Variants in TRIO observed in about 807,000 individuals in gnomAD.
The protein encoded by TRIO is triple functional domain protein.
TRIO carries 58 observed loss-of-function variants against 351.9 expected under a neutral mutation model. The ratio of observed to expected loss-of-function variants is 0.16; its 90% CI spans 0.13 to 0.21. The LOEUF is 0.21. TRIO is among the 10% of genes least tolerant of loss of function. The pLI is 1.00. For synonymous variants in TRIO, 1,758 were observed against 1,595.7 expected, an observed-to-expected ratio of 1.10 and a Z score of -2.42; for missense variants, 3,201 against 4,027.8, an observed-to-expected ratio of 0.79 and a Z score of 5.56.
chr5:14,466,790 A>C (rs1754292563), intron 37 of TRIO, among the ~76,000 whole-genome samples: 1 of 152,236 alleles, frequency 6.6e-6, no homozygotes, highest in African/African-American at 2.4e-5. Flanking sequence ...AAATGGATTC[A>C]TTCAATTTTT....
chr5:14,357,200 C>A (rs917423854), intron 11 of TRIO, among the ~76,000 whole-genome samples: 3 of 152,210 alleles, frequency 2.0e-5, no homozygotes, highest in Admixed American at 2.0e-4. Context: ...CTTGAGGCAG[C>A]AGGCGTTGCA....
At chr5:14,293,672 C>T (rs1401085491) in intron 6 of TRIO, among the ~76,000 whole-genome samples, 1 of 152,228 alleles carries the variant, frequency 6.6e-6, no homozygotes, top group Non-Finnish European at 1.5e-5. Flanking sequence ...CATCTGCTAC[C>T]CTTGGCTGTC....
At chr5:14,357,558 G>T (rs527324390) in intron 11 of TRIO, among the ~76,000 whole-genome samples, 1 of 152,216 alleles carries the variant, frequency 6.6e-6, no homozygotes, top group African/African-American at 2.4e-5. Context: ...GGAGGTGTCT[G>T]CATCTTTTCA....
intron 49 of TRIO, among the ~76,000 whole-genome samples, chr5:14,494,753 G>A (rs945455907): frequency 1.8e-4 from 28 of 152,140 alleles, no homozygotes; most frequent in African/African-American, 6.0e-4. Flanking sequence ...ACAAAAATTC[G>A]CTGGGCATGG....
intron 8 of TRIO, among the ~76,000 whole-genome samples, chr5:14,307,534 T>C (rs1738484111): frequency 6.6e-6 from 1 of 152,238 alleles, no homozygotes; most frequent in Non-Finnish European, 1.5e-5. Context: ...TTTTTGGCAG[T>C]GCATGTCCTT....
intron 53 of TRIO, among the ~76,000 whole-genome samples, chr5:14,502,083 C>T (rs1007744265): frequency 1.3e-5 from 2 of 152,098 alleles, no homozygotes; most frequent in African/African-American, 4.8e-5. Context: ...ACCCTGTGGA[C>T]GTTAAGTAAA....
At chr5:14,224,875 A>G (rs1216107310) in intron 1 of TRIO, among the ~76,000 whole-genome samples, 1 of 151,896 alleles carries the variant, frequency 6.6e-6, no homozygotes, top group African/African-American at 2.4e-5. Flanking sequence ...AAGATATGTG[A>G]CATTATGTTA....
At chr5:14,328,190 T>TAAAACAACGCGCTC (rs1365635905) in intron 9 of TRIO, among the ~76,000 whole-genome samples, 1 of 152,150 alleles carries the variant, frequency 6.6e-6, no homozygotes, top group East Asian at 1.9e-4. Flanking sequence ...ATACACCAGT[T>TAAAACAACGCGCTC]AAAACAACGC....
At chr5:14,291,310 G>A (rs1312192908) in intron 5 of TRIO, 82 bp downstream of exon 5, 1 of 1,442,696 alleles carries the variant, frequency 6.9e-7, no homozygotes. Context: ...AAGAGAAAAG[G>A]TGGAGAATGG....
At chr5:14,314,521 C>T (rs979622238) in intron 8 of TRIO, among the ~76,000 whole-genome samples, 1 of 151,250 alleles carries the variant, frequency 6.6e-6, no homozygotes, top group South Asian at 2.1e-4. Context: ...TTGTAAAGTT[C>T]CAAAGAAAAC....
Position 14,280,455 on chromosome 5 carries a change from G to C in TRIO, c.347+19G>C, listed in dbSNP as rs771432427. The C allele has an allele frequency of 1.2e-5, 20 of 1,601,340 alleles. No homozygotes were observed. The highest frequency in any genetic ancestry group is 1.7e-5 in the Non-Finnish European group (20 of 1,168,392). On this transcript the variant is annotated intron_variant, in intron 3 of 56. Transcript: ENST00000344204. Reference sequence around the variant, plus strand: ...TTCCCAGGTAAGTTCTGTGTGGCTTGTGCTTGTCACTGATGTCACATTTAC... The same window carrying C: ...TTCCCAGGTAAGTTCTGTGTGGCTTCTGCTTGTCACTGATGTCACATTTAC...
intron 34 of TRIO, among the ~76,000 whole-genome samples, chr5:14,438,938 G>T (rs1751810358): frequency 6.6e-6 from 1 of 152,216 alleles, no homozygotes; most frequent in African/African-American, 2.4e-5. Flanking sequence ...GGAGGGAGGG[G>T]ACCCAGAAGG....
rs1792355256 is a variant in TRIO at position 14,218,330 on chromosome 5, T to C, written c.158-52495T>C. Among the ~76,000 whole-genome samples the C allele has an allele frequency of 2.0e-5, 3 of 152,274 alleles. No individual in the cohort carries two copies. In the South Asian group the frequency reaches 6.2e-4, roughly 32 times the overall value. On this transcript the variant is annotated intron_variant, in intron 1 of 56. Transcript: ENST00000344204. ...GATTGCTAAAGTAATTTTCTTAGTT[T>C]TACTATGGAATCATAATAACCCACA...
chr5:14,343,549 A>G (rs1430175364), intron 11 of TRIO, among the ~76,000 whole-genome samples: 1 of 152,126 alleles, frequency 6.6e-6, no homozygotes, highest in Non-Finnish European at 1.5e-5. Context: ...ACTCAGCACA[A>G]TTCCTTTGAC....
intron 34 of TRIO, among the ~76,000 whole-genome samples, chr5:14,441,894 G>A (rs142580463): frequency 1.3e-5 from 2 of 152,318 alleles, no homozygotes; most frequent in African/African-American, 4.8e-5. Context: ...GGGAGTGTCT[G>A]TGCCAGATTC....
At chr5:14,227,060 A>G (rs1793090564) in intron 1 of TRIO, among the ~76,000 whole-genome samples, 2 of 152,252 alleles carry the variant, frequency 1.3e-5, no homozygotes. Flanking sequence ...GAGTTGAGGC[A>G]CATGAGACAG....
chr5:14,251,175 A>G (rs956093094), intron 1 of TRIO, among the ~76,000 whole-genome samples: 2 of 152,158 alleles, frequency 1.3e-5, no homozygotes, highest in African/African-American at 2.4e-5. Context: ...GTGCTACTAC[A>G]TGTCAGATAC....
At chr5:14,492,232 T>C in intron 48 of TRIO, 1 of 330,460 alleles carries the variant, frequency 3.0e-6, no homozygotes. Context: ...AGGAGTAACC[T>C]AACGTGGCGT....
intron 33 of TRIO, 116 bp downstream of exon 33, chr5:14,406,788 C>T (rs780352871): frequency 1.7e-5 from 17 of 1,029,184 alleles, no homozygotes; most frequent in Middle Eastern, 3.0e-4. Flanking sequence ...GCAGTTGATA[C>T]GTGCCAGGAG....
Sources: gnomAD v4.1 joint callset for allele counts (sites outside exome capture counted in the v4.1 genomes callset) on GRCh38, gnomAD v4.1.1 for gene constraint, MANE v1.5 for transcripts, NCBI Gene and HGNC (gene_info 2026-07-23, HGNC 2026-07-21) for gene names.